NEMP2: variants seen among roughly 807,000 people sequenced by gnomAD.
NEMP2 encodes the protein nuclear envelope integral membrane protein 2.
A neutral mutation model predicts 54.2 loss-of-function variants in NEMP2; 53 were observed. The observed-to-expected ratio is 0.98, with a 90% CI of 0.78 to 1.23. The LOEUF (loss-of-function observed/expected upper bound fraction) is 1.23, where lower values mean the gene tolerates loss of function less well. Among genes scored for constraint, NEMP2 ranks in the 50% most tolerant of loss-of-function variants. The pLI, the probability that NEMP2 is intolerant of heterozygous loss-of-function variation, is 0.00. For missense variants in NEMP2, 455 were observed against 511.3 expected, an observed-to-expected ratio of 0.89 and a Z score of 1.06; for synonymous variants, 197 against 190.3, an observed-to-expected ratio of 1.04 and a Z score of -0.29.
At chr2:190,643,916 G>C in the NEMP2 span, among the ~76,000 whole-genome samples, 1 of 152,124 alleles carries the variant, frequency 6.6e-6, no homozygotes, top group African/African-American at 2.4e-5. Flanking sequence ...GACAGAGTGA[G>C]ACCCTGTCTC....
chr2:190,456,090 A>G, the NEMP2 span, among the ~76,000 whole-genome samples: 4 of 151,560 alleles, frequency 2.6e-5, no homozygotes, highest in African/African-American at 9.7e-5. The surrounding 1 kb of genome is among the most constrained non-coding windows in gnomAD (Gnocchi z 5.4). Flanking sequence ...ACAGGCATGC[A>G]TCACCATGCC....
the NEMP2 span, among the ~76,000 whole-genome samples, chr2:190,471,361 T>C: frequency 3.9e-4 from 60 of 152,278 alleles, no homozygotes; most frequent in African/African-American, 1.4e-3. The surrounding 1 kb of genome is among the most constrained non-coding windows in gnomAD (Gnocchi z 4.7). Context: ...GGGTGAGAGA[T>C]GGCACCTGGA....
At chr2:190,644,910 C>A in the NEMP2 span, among the ~76,000 whole-genome samples, 6 of 151,984 alleles carry the variant, frequency 3.9e-5, no homozygotes, top group Non-Finnish European at 7.4e-5. This position sits in a 1 kb window ranked among gnomAD's most constrained non-coding sequence, Gnocchi z 4.4. Flanking sequence ...TTAAAAAAAA[C>A]ACACACACAC....
the NEMP2 span, among the ~76,000 whole-genome samples, chr2:190,638,724 G>A: frequency 2.6e-5 from 4 of 152,216 alleles, 1 homozygote; most frequent in African/African-American, 9.7e-5. This position sits in a 1 kb window ranked among gnomAD's most constrained non-coding sequence, Gnocchi z 5.7. Flanking sequence ...TTTGAGTGGA[G>A]ATGATCAAGG....
the NEMP2 span, chr2:190,437,091 C>T: frequency 3.7e-6 from 6 of 1,614,112 alleles, no homozygotes; most frequent in African/African-American, 6.7e-5. The surrounding 1 kb of genome is among the most constrained non-coding windows in gnomAD (Gnocchi z 5.9). Context: ...TCGAAGTGCT[C>T]ATCGATGGAA....
At chr2:190,471,158 C>A in the NEMP2 span, among the ~76,000 whole-genome samples, 1 of 152,136 alleles carries the variant, frequency 6.6e-6, no homozygotes, top group South Asian at 2.1e-4. The surrounding 1 kb of genome is among the most constrained non-coding windows in gnomAD (Gnocchi z 4.7). Flanking sequence ...CAGGTCTCAG[C>A]GTAAGTGACA....
At chr2:190,573,255 C>T in the NEMP2 span, among the ~76,000 whole-genome samples, 10 of 152,142 alleles carry the variant, frequency 6.6e-5, no homozygotes, top group East Asian at 1.4e-3. Context: ...CAAGTAATTC[C>T]CTCATAAAGT....
At chr2:190,483,835 CAAAA>C in the NEMP2 span, among the ~76,000 whole-genome samples, 23 of 86,658 alleles carry the variant, frequency 2.7e-4, no homozygotes, top group South Asian at 8.9e-4. Context: ...AACTCATTTT[CAAAA>C]AAAAAAAAAA....
the NEMP2 span, among the ~76,000 whole-genome samples, chr2:190,421,924 A>G: frequency 6.6e-6 from 1 of 152,092 alleles, no homozygotes; most frequent in African/African-American, 2.4e-5. Flanking sequence ...CCCACTATAG[A>G]AGAAACCAAG....
At chr2:190,626,479 A>C in the NEMP2 span, 2 of 152,316 alleles carry the variant, frequency 1.3e-5, no homozygotes, top group African/African-American at 4.8e-5. The surrounding 1 kb of genome is among the most constrained non-coding windows in gnomAD (Gnocchi z 4.5). Flanking sequence ...AGAGAGAGAG[A>C]GAGCTTTACC....
the NEMP2 span, among the ~76,000 whole-genome samples, chr2:190,486,091 C>G: frequency 1.4e-4 from 22 of 152,168 alleles, no homozygotes; most frequent in Admixed American, 1.3e-4. Context: ...ATAGTGTGAT[C>G]CTTTGGGTCT....
the NEMP2 span, among the ~76,000 whole-genome samples, chr2:190,427,710 GGAAAA>G: frequency 6.7e-6 from 1 of 149,538 alleles, no homozygotes; most frequent in Non-Finnish European, 1.5e-5. Context: ...CCATCTTCTT[GGAAAA>G]GAAGTCTACC....
chr2:190,597,600 C>T, the NEMP2 span, among the ~76,000 whole-genome samples: 1 of 152,098 alleles, frequency 6.6e-6, no homozygotes, highest in Admixed American at 6.6e-5. This position sits in a 1 kb window ranked among gnomAD's most constrained non-coding sequence, Gnocchi z 4.7. Flanking sequence ...TTAAAATGTA[C>T]AGTAAAAACT....
the NEMP2 span, among the ~76,000 whole-genome samples, chr2:190,540,377 A>G: frequency 6.6e-6 from 1 of 151,508 alleles, no homozygotes; most frequent in Non-Finnish European, 1.5e-5. Flanking sequence ...TCAACCCCCC[A>G]GGCTCAAATG....
the NEMP2 span, among the ~76,000 whole-genome samples, chr2:190,562,164 G>A: frequency 0.16 from 24,396 of 152,138 alleles, 2,184 homozygotes; most frequent in Middle Eastern, 0.22. This position sits in a 1 kb window ranked among gnomAD's most constrained non-coding sequence, Gnocchi z 5.0. Flanking sequence ...CGACCAAGAA[G>A]TAAGCTCAGC....
chr2:190,430,196 T>G, the NEMP2 span, among the ~76,000 whole-genome samples: 3 of 147,718 alleles, frequency 2.0e-5, no homozygotes, highest in Admixed American at 7.1e-5. Context: ...TATGGCTGCA[T>G]AGTCCTCATT....
At chr2:190,606,486 C>T in the NEMP2 span, among the ~76,000 whole-genome samples, 2 of 152,216 alleles carry the variant, frequency 1.3e-5, no homozygotes, top group East Asian at 3.8e-4. Context: ...CCAAGGCAGG[C>T]AGATCACCTG....
the NEMP2 span, among the ~76,000 whole-genome samples, chr2:190,451,482 G>T: frequency 6.6e-6 from 1 of 152,208 alleles, no homozygotes; most frequent in East Asian, 1.9e-4. The surrounding 1 kb of genome is among the most constrained non-coding windows in gnomAD (Gnocchi z 5.0). Flanking sequence ...AAAGATAAAG[G>T]TCAGTCCTCG....
chr2:190,471,834 A>G, the NEMP2 span, among the ~76,000 whole-genome samples: 4 of 151,926 alleles, frequency 2.6e-5, no homozygotes, highest in Non-Finnish European at 5.9e-5. This position sits in a 1 kb window ranked among gnomAD's most constrained non-coding sequence, Gnocchi z 4.7. Flanking sequence ...ACTGGGAGGC[A>G]CCCCCCAGTA....
Sources: gnomAD v4.1 joint callset for allele counts (sites outside exome capture counted in the v4.1 genomes callset) on GRCh38, gnomAD v4.1.1 for gene constraint, Gnocchi (gnomAD v3.1) non-coding constraint, MANE v1.5 for transcripts, NCBI Gene and HGNC (gene_info 2026-07-23, HGNC 2026-07-21) for gene names.